The following DNAJC1 variants were observed in gnomAD, a reference collection of about 807,000 sequenced individuals.
DNAJC1 encodes dnaJ homolog subfamily C member 1.
A neutral mutation model predicts 76.6 loss-of-function variants in DNAJC1; 58 were observed. The observed-to-expected ratio is 0.76, with a 90% CI of 0.61 to 0.94. The LOEUF (loss-of-function observed/expected upper bound fraction) is 0.94. DNAJC1 is among the 40% of genes least tolerant of loss of function. The probability of loss-of-function intolerance (pLI) is 0.00; values close to 1 mark genes in which losing one functional copy is unlikely to be tolerated. For missense variants in DNAJC1, 689 were observed against 677.3 expected (o/e 1.02, Z -0.19); for synonymous variants, 258 against 267.9 (o/e 0.96, Z 0.36).
intron 8 of DNAJC1, among the ~76,000 whole-genome samples, chr10:21,842,284 A>T (rs1301584887): frequency 6.6e-6 from 1 of 152,070 alleles, no homozygotes; most frequent in Non-Finnish European, 1.5e-5. Flanking sequence ...TGAGAGAAGC[A>T]AATAGGATGA....
chr10:21,801,557 T>C (rs1213928938), intron 9 of DNAJC1, among the ~76,000 whole-genome samples: 1 of 152,162 alleles, frequency 6.6e-6, no homozygotes, highest in Non-Finnish European at 1.5e-5. Flanking sequence ...AGTTCAACCA[T>C]TGTGGAAAGC....
intron 1 of DNAJC1, among the ~76,000 whole-genome samples, chr10:21,938,115 C>T (rs928269025): frequency 1.3e-5 from 2 of 151,972 alleles, no homozygotes; most frequent in Non-Finnish European, 2.9e-5. Context: ...TGGATTCATT[C>T]CTTCTGGAAG....
intron 1 of DNAJC1, among the ~76,000 whole-genome samples, chr10:21,950,402 T>G (rs1837573739): frequency 6.6e-6 from 1 of 152,162 alleles, no homozygotes; most frequent in African/African-American, 2.4e-5. Flanking sequence ...ATAAATGTTG[T>G]ATGTGTTCTG....
chr10:21,963,969 C>T (rs553275233), intron 1 of DNAJC1, among the ~76,000 whole-genome samples: 22 of 152,274 alleles, frequency 1.4e-4, no homozygotes, highest in African/African-American at 5.3e-4. Context: ...GGCCTTAGGG[C>T]ATTCTTTCCC....
intron 7 of DNAJC1, among the ~76,000 whole-genome samples, chr10:21,899,281 C>T (rs1455612597): frequency 6.6e-6 from 1 of 152,210 alleles, no homozygotes; most frequent in East Asian, 1.9e-4. Context: ...CCTGGCAAGG[C>T]AGGCAATTCA....
At chr10:21,994,066 A>G (rs1246662554) in intron 1 of DNAJC1, among the ~76,000 whole-genome samples, 2 of 152,228 alleles carry the variant, frequency 1.3e-5, no homozygotes, top group African/African-American at 4.8e-5. Flanking sequence ...TCCTCAAGGC[A>G]GTCTATCAGC....
intron 7 of DNAJC1, among the ~76,000 whole-genome samples, chr10:21,891,224 G>GTTA (rs1836457064): frequency 1.3e-5 from 2 of 151,822 alleles, no homozygotes; most frequent in South Asian, 4.1e-4. Flanking sequence ...ACTTGACTGT[G>GTTA]TTATCAAAGC....
At chr10:21,961,845 A>C (rs181747304) in intron 1 of DNAJC1, among the ~76,000 whole-genome samples, 17 of 152,168 alleles carry the variant, frequency 1.1e-4, no homozygotes, top group Non-Finnish European at 2.2e-4. Context: ...ACGCCTCATT[A>C]TCTCTCTGAA....
At chr10:21,849,920 CTTT>C (rs1417689486) in intron 8 of DNAJC1, among the ~76,000 whole-genome samples, 4 of 152,228 alleles carry the variant, frequency 2.6e-5, no homozygotes, top group African/African-American at 9.6e-5. Context: ...ATTCAACACC[CTTT>C]CCTAATTAAA....
chr10:21,997,866 G>C (rs1365361190), intron 1 of DNAJC1, among the ~76,000 whole-genome samples: 1 of 152,202 alleles, frequency 6.6e-6, no homozygotes, highest in African/African-American at 2.4e-5. Context: ...ACGAGAGAAA[G>C]AGAATGAAGC....
At chr10:21,788,249 G>A (rs11814606) in intron 9 of DNAJC1, among the ~76,000 whole-genome samples, 8,342 of 152,304 alleles carry the variant, frequency 0.055, 287 homozygotes, top group Non-Finnish European at 0.079. Context: ...CACTGCCTCC[G>A]CTGGAAAGAG....
rs1274715013 is a variant in DNAJC1, at chr10:21,875,862, TTG to T, written c.978+6418_978+6419del. Among the ~76,000 whole-genome samples, 58 of 151,922 alleles carry T rather than the reference TTG, an allele frequency of 3.8e-4. 1 individual carries two copies. Among genetic ancestry groups the T allele is most frequent in the African/African-American group, 1.3e-3 (55 of 41,418 alleles). On this transcript the variant is annotated intron_variant, in intron 8 of 11. Transcript: ENST00000376980. ...ATCACTTGAACCTGGGAGGCGGAGG[TTG>T]CAGCGAGGTGAGATCATGCTGTTGC...
intron 8 of DNAJC1, among the ~76,000 whole-genome samples, chr10:21,878,279 TCA>T (rs1430378052): frequency 1.3e-5 from 2 of 152,192 alleles, no homozygotes; most frequent in Non-Finnish European, 2.9e-5. Context: ...GACAAACTGC[TCA>T]CACAGAGATG....
intron 8 of DNAJC1, 81 bp downstream of exon 8, chr10:21,882,201 C>G: frequency 7.7e-7 from 1 of 1,302,766 alleles, no homozygotes; most frequent in Non-Finnish European, 1.0e-6. Flanking sequence ...AAACAAAGCA[C>G]TATATCGTGA....
At chr10:21,938,978 C>T (rs1837360356) in intron 1 of DNAJC1, among the ~76,000 whole-genome samples, 2 of 152,188 alleles carry the variant, frequency 1.3e-5, no homozygotes, top group South Asian at 4.1e-4. Flanking sequence ...GCAACCTCCG[C>T]CTCCCAGATT....
chr10:21,861,552 G>A, intron 8 of DNAJC1, among the ~76,000 whole-genome samples: 1 of 152,118 alleles, frequency 6.6e-6, no homozygotes, highest in East Asian at 1.9e-4. Flanking sequence ...AGACAGTTAA[G>A]GCATTCTAAG....
At chr10:21,874,180 C>T (rs923017700) in intron 8 of DNAJC1, among the ~76,000 whole-genome samples, 2 of 152,168 alleles carry the variant, frequency 1.3e-5, no homozygotes, top group South Asian at 4.1e-4. Context: ...ATTTGGGAGG[C>T]CGAAGAGGGA....
intron 8 of DNAJC1, among the ~76,000 whole-genome samples, chr10:21,872,538 T>A (rs747804516): frequency 2.6e-5 from 4 of 151,916 alleles, no homozygotes; most frequent in Non-Finnish European, 5.9e-5. Context: ...AGATAAAAAA[T>A]TCTCTAGAGG....
In DNAJC1 at chr10:21,827,798, C is replaced by T. The variant is rs185601343; in HGVS notation, c.979-21699G>A. ...ACATGGATTTGTTTGGGATACTATT[C>T]AACCCACTATACATTGATGACTACA... On this transcript the variant is annotated intron_variant, in intron 8 of 11. Transcript: ENST00000376980. Among the ~76,000 whole-genome samples the T allele has an allele frequency of 2.2e-3, 336 of 152,320 alleles. 3 individuals are homozygous for T. Among genetic ancestry groups the T allele is most frequent in the African/African-American group, 7.7e-3 (320 of 41,574 alleles).
Sources: allele counts gnomAD v4.1 joint callset (sites outside exome capture counted in the v4.1 genomes callset), GRCh38; gene constraint gnomAD v4.1.1; transcripts MANE v1.5; gene names NCBI Gene and HGNC (gene_info 2026-07-23, HGNC 2026-07-21).